Variants in ZNF234 observed in about 807,000 individuals in gnomAD.
The protein encoded by ZNF234 is C2-H2 type zinc finger protein.
ZNF234 carries 4 observed loss-of-function variants against 10.3 expected under a neutral mutation model. That is an observed-to-expected ratio of 0.39 (90% CI 0.19 to 0.89). The LOEUF is 0.89. Among genes scored for constraint, ZNF234 ranks in the 40% least tolerant of loss-of-function variants. The pLI is 0.38. For synonymous variants in ZNF234, 258 were observed against 280.1 expected, an observed-to-expected ratio of 0.92 and a Z score of 0.79; for missense variants, 711 against 836.1, an observed-to-expected ratio of 0.85 and a Z score of 1.85.
rs1249874413 is a variant in ZNF234 at position 44,158,350 on chromosome 19, C to T, written c.*231C>T. Reference sequence around the variant, plus strand: ...TCAGCTCACTGTAACCTCCACTTCCCGGGTTCAAGTGATTCTCCTGCCTCA... The same window carrying T: ...TCAGCTCACTGTAACCTCCACTTCCTGGGTTCAAGTGATTCTCCTGCCTCA... On this transcript the variant is annotated 3_prime_UTR_variant, in exon 6 of 6. Coordinates refer to ENST00000426739, the MANE Select transcript of ZNF234 (RefSeq NM_006630.3). 15 of 499,514 alleles carry T rather than the reference C, an allele frequency of 3.0e-5. No individual in the cohort carries two copies. Among genetic ancestry groups the T allele is most frequent in the Non-Finnish European group, 5.1e-5 (14 of 275,328 alleles). 30.9% of individuals were successfully genotyped at this position (499,514 alleles called of 1,614,324 possible). A position where few individuals can be genotyped will look rare whatever the true frequency, so the allele number is the denominator to read the frequency against.
rs1968873069 is a variant in ZNF234 at position 44,156,123 on chromosome 19, C to T, written c.236-129C>T. Reference sequence around the variant, plus strand: ...CATGGAAATCAGAGATCATGATACACAGTGGAAAAGACCATTACACAAACT... The same window carrying T: ...CATGGAAATCAGAGATCATGATACATAGTGGAAAAGACCATTACACAAACT... On this transcript the variant is annotated intron_variant, in intron 5 of 5. Transcript: ENST00000426739. The T allele has an allele frequency of 3.9e-6, 3 of 772,458 alleles. No individual in the cohort carries two copies. In the East Asian group the frequency reaches 7.9e-5, roughly 20 times the overall value. 47.9% of individuals were successfully genotyped at this position (772,458 alleles called of 1,614,324 possible).
Position 44,158,215 on chromosome 19 carries a change from A to G in ZNF234, c.*96A>G, listed in dbSNP as rs776676107. On this transcript the variant is annotated 3_prime_UTR_variant, in exon 6 of 6. Coordinates refer to ENST00000426739, the MANE Select transcript of ZNF234 (RefSeq NM_006630.3). ...TTTCTTTATCAACCTCTTTGAATTT[A>G]TTTGATTTGTAACGCTCCACATTTC... is the stretch of plus-strand genomic sequence containing the variant. 1.5e-6 allele frequency: 2 copies of G among 1,309,624 alleles called. No individual in the cohort carries two copies. The highest frequency in any genetic ancestry group is 2.3e-5 in the East Asian group (1 of 43,434). The allele number at this position is 1,309,624 out of a possible 1,614,324, so 81.1% of individuals were successfully genotyped here. A position where few individuals can be genotyped will look rare whatever the true frequency, so the allele number is the denominator to read the frequency against.
intron 5 of ZNF234, 59 bp downstream of exon 5, chr19:44,150,564 C>G: frequency 7.1e-7 from 1 of 1,400,564 alleles, no homozygotes; most frequent in Non-Finnish European, 9.7e-7. Context: ...GTACTTCTCT[C>G]CCCTGCTCTT....
intron 2 of ZNF234, among the ~76,000 whole-genome samples, chr19:44,142,667 T>C (rs1968494673): frequency 6.6e-6 from 1 of 152,168 alleles, no homozygotes; most frequent in African/African-American, 2.4e-5. Flanking sequence ...GGAAAGTAAG[T>C]TAGAACTTGA....
At chr19:44,146,640 C>T (rs1968601519) in intron 3 of ZNF234, among the ~76,000 whole-genome samples, 1 of 151,720 alleles carries the variant, frequency 6.6e-6, no homozygotes. Context: ...ACACAGGTGC[C>T]AAAAAAGATG....
chr19:44,144,539 T>C lies in ZNF234; in HGVS notation c.-76-18T>C, dbSNP rs1440945633. ...ATCCCTGGCCACGCTTTCATGTCTC[T>C]TTTTGTGTCTTCCATAGTGTTCCAG... On this transcript the variant is annotated intron_variant, in intron 2 of 5. Transcript: ENST00000426739. 3.3e-6 allele frequency: 4 copies of C among 1,213,670 alleles called. No individual in the cohort carries two copies. In the African/African-American group the frequency reaches 6.1e-5, roughly 18 times the overall value. The allele number at this position is 1,213,670 out of a possible 1,614,324, so 75.2% of individuals were successfully genotyped here. A position where few individuals can be genotyped will look rare whatever the true frequency, so the allele number is the denominator to read the frequency against.
Position 44,157,265 on chromosome 19 carries a change from G to T in ZNF234, c.1249G>T (p.Val417Leu). Residue 417 changes from valine (V) to leucine (L), a missense_variant, in exon 6 of 6, where the codon GTG becomes TTG. Val to Leu is a conservative substitution (Grantham distance 32). Transcript: ENST00000426739. Reference sequence around the variant, plus strand: ...CTTCAGAATGAAAATTCATTATCAAGTGCATCTGGTAGTCCACACAGGGGA... The same window carrying T: ...CTTCAGAATGAAAATTCATTATCAATTGCATCTGGTAGTCCACACAGGGGA... ...KSFRMKIHYQVHLVVHTGEKP... is the reference protein window; with the variant it reads ...KSFRMKIHYQLHLVVHTGEKP... The T allele has an allele frequency of 6.2e-7, 1 of 1,613,922 alleles. No individual in the cohort carries two copies. Among genetic ancestry groups the T allele is most frequent in the Non-Finnish European group, 8.5e-7 (1 of 1,179,936 alleles).
intron 4 of ZNF234, 33 bp from the exon 5 acceptor site, chr19:44,150,363 GTTGTACCTTTAGTGTGT>G: frequency 6.8e-7 from 1 of 1,460,260 alleles, no homozygotes; most frequent in Non-Finnish European, 9.3e-7. Flanking sequence ...AGTAAGTTCA[GTTGTACCTTTAGTGTGT>G]TTGTTTTAAA....
chr19:44,143,583 T>C (rs1568547979), intron 2 of ZNF234, among the ~76,000 whole-genome samples: 1 of 143,540 alleles, frequency 7.0e-6, no homozygotes, highest in Non-Finnish European at 1.5e-5. Context: ...CACCCCAGCC[T>C]GGGCAACAGC....
chr19:44,159,682 T>G lies in ZNF234; in HGVS notation c.*1563T>G. 1 of 438,534 alleles carries G rather than the reference T, an allele frequency of 2.3e-6. No individual in the cohort carries two copies. The highest frequency in any genetic ancestry group is 4.8e-6 in the Non-Finnish European group (1 of 208,758). 27.2% of individuals were successfully genotyped at this position (438,534 alleles called of 1,614,324 possible). On this transcript the variant is annotated 3_prime_UTR_variant, in exon 6 of 6. Transcript: ENST00000426739. Reference sequence around the variant, plus strand: ...CTTGAATTTATTTGATTTCTGACTTTCCACATTTCCATCCAGACTTTGACA... The same window carrying G: ...CTTGAATTTATTTGATTTCTGACTTGCCACATTTCCATCCAGACTTTGACA...
At chr19:44,155,840 A>G (rs569356534) in intron 5 of ZNF234, among the ~76,000 whole-genome samples, 19 of 152,188 alleles carry the variant, frequency 1.2e-4, no homozygotes, top group African/African-American at 4.6e-4. Flanking sequence ...GCCTCAAACT[A>G]TCCTTCTGCC....
chr19:44,159,707 A>G lies in ZNF234; in HGVS notation c.*1588A>G, dbSNP rs915303571. The G allele has an allele frequency of 7.1e-6, 3 of 421,214 alleles. No homozygotes were observed. The highest frequency in any genetic ancestry group is 6.1e-5 in the African/African-American group (3 of 49,476). The allele number at this position is 421,214 out of a possible 1,614,324, so 26.1% of individuals were successfully genotyped here. A position where few individuals can be genotyped will look rare whatever the true frequency, so the allele number is the denominator to read the frequency against. ...TCCACATTTCCATCCAGACTTTGAC[A>G]TGATTGCCGTCTAATAACTGTAGCA... On this transcript the variant is annotated 3_prime_UTR_variant, in exon 6 of 6. Transcript: ENST00000426739.
intron 3 of ZNF234, among the ~76,000 whole-genome samples, chr19:44,146,032 T>C (rs1479092335): frequency 1.3e-5 from 2 of 152,218 alleles, no homozygotes; most frequent in South Asian, 2.1e-4. Flanking sequence ...CCTTCTCAGA[T>C]TGGCATAGAA....
rs746586460 is a variant in ZNF234, at chr19:44,157,657, G to C, written c.1641G>C (p.Lys547Asn). 6.2e-7 allele frequency: 1 copy of C among 1,614,030 alleles called. No homozygotes were observed. The highest frequency in any genetic ancestry group is 1.3e-5 in the African/African-American group (1 of 74,974). ...EKPFKCEECG[K>N]SFSRSAHLQA... is the part of the protein sequence containing the mutation. ...CATTTAAATGTGAAGAGTGTGGGAA[G>C]AGCTTCAGTCGGAGTGCACACCTTC... The change falls in exon 6 of 6, where the codon AAG becomes AAC. Residue 547 changes from lysine to asparagine, a missense_variant. Transcript: ENST00000426739.
At chr19:44,146,823 T>C (rs1968608436) in intron 3 of ZNF234, among the ~76,000 whole-genome samples, 1 of 143,738 alleles carries the variant, frequency 7.0e-6, no homozygotes, top group African/African-American at 2.6e-5. Flanking sequence ...TTTTTTTTTT[T>C]TTTTTTTTTT....
intron 3 of ZNF234, 128 bp downstream of exon 3, chr19:44,144,775 G>A: frequency 1.3e-6 from 1 of 776,130 alleles, no homozygotes; most frequent in Non-Finnish European, 1.9e-6. Flanking sequence ...TGCCTTTTGA[G>A]TTGACTTTGT....
chr19:44,158,521 G>A lies in ZNF234; in HGVS notation c.*402G>A. 4.0e-6 allele frequency: 1 copy of A among 249,144 alleles called. No homozygotes were observed. The highest frequency in any genetic ancestry group is 4.3e-5 in the South Asian group (1 of 22,992). 15.4% of individuals were successfully genotyped at this position (249,144 alleles called of 1,614,324 possible). ...GGCCTCCCAAAGTGCTGGGATTACA[G>A]GCATGAGCCACCGCCCCTGGCCTCC... On this transcript the variant is annotated 3_prime_UTR_variant, in exon 6 of 6. Coordinates refer to ENST00000426739, the MANE Select transcript of ZNF234 (RefSeq NM_006630.3).
chr19:44,157,299 A>C lies in ZNF234; in HGVS notation c.1283A>C (p.Tyr428Ser), dbSNP rs756460513. ...GTAGTCCACACAGGGGAAAAACCCT[A>C]TAAATGTGAAGTATGTGGTAAAGCC... ...HLVVHTGEKP[Y>S]KCEVCGKAFR... is the part of the protein sequence containing the mutation. The change falls in exon 6 of 6, where the codon TAT (tyrosine) becomes TCT (serine). Residue 428 changes from tyrosine (Y) to serine (S), a missense_variant. By Grantham distance (144) the Tyr-to-Ser change is moderately radical. Coordinates refer to ENST00000426739, the MANE Select transcript of ZNF234 (RefSeq NM_006630.3). The C allele has an allele frequency of 6.2e-7, 1 of 1,613,934 alleles. No homozygotes were observed. Among genetic ancestry groups the C allele is most frequent in the Non-Finnish European group, 8.5e-7 (1 of 1,179,922 alleles).
At chr19:44,145,500 C>T (rs1968568021) in intron 3 of ZNF234, among the ~76,000 whole-genome samples, 2 of 152,336 alleles carry the variant, frequency 1.3e-5, no homozygotes, top group African/African-American at 4.8e-5. Context: ...TCAAGCAATT[C>T]TCCTGCCTCA....
Sources: allele counts gnomAD v4.1 joint callset (sites outside exome capture counted in the v4.1 genomes callset), GRCh38; gene constraint gnomAD v4.1.1; transcripts MANE v1.5; gene names NCBI Gene and HGNC (gene_info 2026-07-23, HGNC 2026-07-21).